The following EDNRB variants were observed in gnomAD, a reference collection of about 807,000 sequenced individuals.
EDNRB encodes the protein Hirschsprung disease 2.
Under a neutral mutation model 46.4 loss-of-function variants are expected in EDNRB, and 18 were observed. That is an observed-to-expected ratio of 0.39 (90% CI 0.27 to 0.57). EDNRB has a LOEUF of 0.57. EDNRB is among the 20% of genes least tolerant of loss of function. EDNRB has a pLI of 0.61. For synonymous variants in EDNRB, 213 were observed against 204.9 expected (o/e 1.04, Z -0.34); for missense variants, 434 against 537.5 (o/e 0.81, Z 1.90).
intron 1 of EDNRB, among the ~76,000 whole-genome samples, chr13:77,929,805 C>T (rs1880338312): frequency 6.6e-6 from 1 of 152,094 alleles, no homozygotes; most frequent in South Asian, 2.1e-4. Flanking sequence ...CATTTTACCT[C>T]GATATATCCT....
intron 1 of EDNRB, among the ~76,000 whole-genome samples, chr13:77,909,731 G>A (rs1055406859): frequency 1.3e-5 from 2 of 152,056 alleles, no homozygotes; most frequent in African/African-American, 2.4e-5. Context: ...ATGAACGGAT[G>A]AGTGGATGAA....
intron 1 of EDNRB, among the ~76,000 whole-genome samples, chr13:77,946,366 A>G (rs1282376289): frequency 1.3e-5 from 2 of 152,226 alleles, no homozygotes; most frequent in South Asian, 2.1e-4. Flanking sequence ...TGCATTTGGC[A>G]TGGTGTAAAG....
chr13:77,940,603 C>T (rs1203517283), intron 1 of EDNRB, among the ~76,000 whole-genome samples: 2 of 152,022 alleles, frequency 1.3e-5, no homozygotes, highest in African/African-American at 4.8e-5. Context: ...CTGTGGTTTA[C>T]CTCTTAGGCA....
At chr13:77,941,594 G>A (rs1414055167) in intron 1 of EDNRB, among the ~76,000 whole-genome samples, 7 of 152,192 alleles carry the variant, frequency 4.6e-5, no homozygotes, top group Non-Finnish European at 1.0e-4. Context: ...TTTTACAGAT[G>A]AGGCAGTTTC....
At chr13:77,920,766 C>T (rs1365400807), upstream of EDNRB, among the ~76,000 whole-genome samples, 1 of 152,168 alleles carries the variant, frequency 6.6e-6, no homozygotes, top group African/African-American at 2.4e-5. Flanking sequence ...AGAACGAGGT[C>T]AACATTCAAT....
intron 1 of EDNRB, among the ~76,000 whole-genome samples, chr13:77,969,843 A>G (rs1420723831): frequency 3.9e-5 from 6 of 152,148 alleles, no homozygotes; most frequent in African/African-American, 1.4e-4. Context: ...AATTTTAACA[A>G]CTTCAAAGTG....
intron 1 of EDNRB, among the ~76,000 whole-genome samples, chr13:77,932,949 A>G (rs1880446040): frequency 6.6e-6 from 1 of 152,230 alleles, no homozygotes; most frequent in Non-Finnish European, 1.5e-5. Flanking sequence ...GACCAACTAA[A>G]GAACACATAA....
At chr13:77,912,114 C>T (rs1279154832) in intron 1 of EDNRB, among the ~76,000 whole-genome samples, 1 of 152,064 alleles carries the variant, frequency 6.6e-6, no homozygotes, top group Non-Finnish European at 1.5e-5. Flanking sequence ...AGGGTCTTGG[C>T]TACGTTATCC....
intron 1 of EDNRB, among the ~76,000 whole-genome samples, chr13:77,931,562 ACAT>A (rs1481417037): frequency 6.6e-6 from 1 of 152,092 alleles, no homozygotes; most frequent in Non-Finnish European, 1.5e-5. Flanking sequence ...TTTATAGGAG[ACAT>A]CAGTGGCCTC....
At position 77,897,415 on chromosome 13, in the gene EDNRB, A is replaced by G. The variant is rs1414392225; in HGVS notation, c.*785T>C. 4.1e-6 allele frequency: 4 copies of G among 985,002 alleles called. No homozygotes were observed. Among genetic ancestry groups the G allele is most frequent in the Admixed American group, 6.2e-5 (1 of 16,220 alleles). 61.0% of individuals were successfully genotyped at this position (985,002 alleles called of 1,614,324 possible). On this transcript the variant is annotated 3_prime_UTR_variant, in exon 7 of 7. Coordinates refer to ENST00000646607, the MANE Select transcript of EDNRB (RefSeq NM_001122659.3). ...TTTGGGATAGCCTTTCAAACATTCT[A>G]TTTCTCTTTGTGAGGTTTGATCTTA...
intron 1 of EDNRB, among the ~76,000 whole-genome samples, chr13:77,925,520 G>A (rs1362006813): frequency 1.3e-5 from 2 of 152,206 alleles, no homozygotes; most frequent in Admixed American, 6.5e-5. Context: ...TCAGAGGGTG[G>A]AAGCCCTAAG....
At chr13:77,967,549 G>A (rs1594403117) in intron 1 of EDNRB, among the ~76,000 whole-genome samples, 5 of 152,184 alleles carry the variant, frequency 3.3e-5, no homozygotes, top group Admixed American at 1.3e-4. Context: ...TTTCCTTATT[G>A]CAAAGCCACT....
chr13:77,951,772 C>T (rs117601185), intron 1 of EDNRB, among the ~76,000 whole-genome samples: 2,205 of 152,114 alleles, frequency 0.014, 46 homozygotes, highest in East Asian at 0.024. Flanking sequence ...GTGTCCGTGC[C>T]TTTTATTGAG....
At chr13:77,918,980 T>G, upstream of EDNRB, 1 of 1,018,686 alleles carries the variant, frequency 9.8e-7, no homozygotes, top group African/African-American at 1.7e-5. This position sits in a 1 kb window ranked among gnomAD's most constrained non-coding sequence, Gnocchi z 4.5. Context: ...TAGTTAAGCG[T>G]GCGTGGGAAC....
Position 77,903,179 on chromosome 13 carries a change from C to T in EDNRB, c.778G>A (p.Val260Ile), listed in dbSNP as rs77132068. Residue 260 changes from valine to isoleucine, a missense_variant, in exon 3 of 7, where the codon GTT becomes ATT. Coordinates refer to ENST00000646607, the MANE Select transcript of EDNRB (RefSeq NM_001122659.3). ...SYLRICLLHP[V>I]QKTAFMQFYK... ...ACCTGCATGAAAGCTGTCTTCTGAACGGGATGAAGCAAGCAGATTCGCAGA... is the reference window on the plus strand; with the variant it reads ...ACCTGCATGAAAGCTGTCTTCTGAATGGGATGAAGCAAGCAGATTCGCAGA... The T allele has an allele frequency of 2.1e-4, 334 of 1,612,630 alleles. 1 individual carries two copies. Among genetic ancestry groups the T allele is most frequent in the South Asian group, 4.5e-4 (41 of 91,034 alleles).
intron 1 of EDNRB, among the ~76,000 whole-genome samples, chr13:77,925,757 A>G (rs1162993183): frequency 1.3e-5 from 2 of 152,198 alleles, no homozygotes; most frequent in South Asian, 2.1e-4. Flanking sequence ...GGCACCGCCT[A>G]CTGGAGCTGT....
intron 6 of EDNRB, among the ~76,000 whole-genome samples, chr13:77,898,957 GGTTATATAGTACA>G (rs1878782444): frequency 1.3e-5 from 2 of 151,744 alleles, no homozygotes; most frequent in African/African-American, 4.8e-5. Flanking sequence ...TAAACAATAA[GGTTATATAGTACA>G]AAAGCATCTC....
At chr13:77,961,830 T>C (rs1881422009) in intron 1 of EDNRB, among the ~76,000 whole-genome samples, 1 of 152,058 alleles carries the variant, frequency 6.6e-6, no homozygotes, top group South Asian at 2.1e-4. Context: ...AAAAAATCAA[T>C]GAATCCAGGA....
At chr13:77,958,917 T>A (rs1230986652) in intron 1 of EDNRB, among the ~76,000 whole-genome samples, 1 of 152,192 alleles carries the variant, frequency 6.6e-6, no homozygotes, top group Non-Finnish European at 1.5e-5. Flanking sequence ...GTATGGAATA[T>A]GTATTTACAA....
Sources: gnomAD v4.1 joint callset for allele counts (sites outside exome capture counted in the v4.1 genomes callset) on GRCh38, gnomAD v4.1.1 for gene constraint, Gnocchi (gnomAD v3.1) non-coding constraint, MANE v1.5 for transcripts, NCBI Gene and HGNC (gene_info 2026-07-23, HGNC 2026-07-21) for gene names.